SYNE1: variants seen among roughly 807,000 people sequenced by gnomAD.
SYNE1 encodes spectrin repeat containing nuclear envelope protein 1.
In SYNE1, 616 loss-of-function variants were observed where a neutral mutation model predicts 1,111.0. The ratio of observed to expected loss-of-function variants is 0.55; its 90% CI spans 0.52 to 0.59. SYNE1 has a LOEUF of 0.59. Ranked by LOEUF, SYNE1 falls within the 20% of genes least tolerant of loss-of-function variation. The pLI is 0.00. For missense variants in SYNE1, 10,006 were observed against 10,417.0 expected (o/e 0.96, Z 1.72); for synonymous variants, 3,855 against 3,825.8 (o/e 1.01, Z -0.28).
In SYNE1 at chr6:152,628,473, A is replaced by G; in HGVS notation, c.-142T>C. 1.2e-6 allele frequency: 1 copy of G among 803,758 alleles called. No homozygotes were observed. Among genetic ancestry groups the G allele is most frequent in the Non-Finnish European group, 2.1e-6 (1 of 469,650 alleles). The allele number at this position is 803,758 out of a possible 1,614,324, so 49.8% of individuals were successfully genotyped here. A position where few individuals can be genotyped will look rare whatever the true frequency, so the allele number is the denominator to read the frequency against. On this transcript the variant is annotated 5_prime_UTR_variant, in exon 3 of 146. Transcript: ENST00000367255. ...ATTCCAGGCCTTTGCAGCACTCAAC[A>G]AGGAGGCAGCTCTCCCAAAGACTGA...
At chr6:152,348,898 A>T (rs2096690117) in intron 72 of SYNE1, among the ~76,000 whole-genome samples, 1 of 152,108 alleles carries the variant, frequency 6.6e-6, no homozygotes, top group African/African-American at 2.4e-5. Flanking sequence ...CAGTTATCAT[A>T]TATGCTCAGT....
At chr6:152,329,538 A>AAAAAC (rs529023140) in intron 78 of SYNE1, among the ~76,000 whole-genome samples, 192 bp downstream of exon 78, 13 of 152,236 alleles carry the variant, frequency 8.5e-5, no homozygotes, top group Admixed American at 2.6e-4. Flanking sequence ...AAAAAACCCA[A>AAAAAC]AAAACAAAAC....
rs1022260894 is a variant in SYNE1 at position 152,409,418 on chromosome 6, T to A, written c.6381+141A>T. On this transcript the variant is annotated intron_variant, in intron 43 of 145. Transcript: ENST00000367255. ...TAGAATCCTAGAATGTCAGCATTCC[T>A]AGGGGAAAAAAAGTTGAGCTCATTA... 4.8e-5 allele frequency: 60 copies of A among 1,250,020 alleles called. No homozygotes were observed. In the African/African-American group the frequency reaches 8.6e-4, roughly 18 times the overall value. The allele number at this position is 1,250,020 out of a possible 1,614,324, so 77.4% of individuals were successfully genotyped here. A position where few individuals can be genotyped will look rare whatever the true frequency, so the allele number is the denominator to read the frequency against.
intron 121 of SYNE1, among the ~76,000 whole-genome samples, chr6:152,216,023 T>C (rs2078554300): frequency 6.6e-6 from 1 of 152,216 alleles, no homozygotes; most frequent in Non-Finnish European, 1.5e-5. Context: ...CAGGACAATG[T>C]TGTCGGTTCT....
chr6:152,171,952 T>C (rs566203379), intron 130 of SYNE1, among the ~76,000 whole-genome samples: 22 of 152,350 alleles, frequency 1.4e-4, no homozygotes, highest in Admixed American at 4.6e-4. Flanking sequence ...GCAAGAAGCA[T>C]AGTACTTCAT....
intron 50 of SYNE1, among the ~76,000 whole-genome samples, chr6:152,396,055 T>C (rs2097726407): frequency 6.6e-6 from 1 of 152,154 alleles, no homozygotes; most frequent in Non-Finnish European, 1.5e-5. Context: ...GCCAACAAGA[T>C]TACATTCTCA....
At chr6:152,536,030 C>T (rs1462820102) in intron 4 of SYNE1, among the ~76,000 whole-genome samples, 3 of 152,044 alleles carry the variant, frequency 2.0e-5, no homozygotes, top group East Asian at 1.9e-4. Flanking sequence ...CATCTCTCTG[C>T]TTATCCCAAA....
At chr6:152,241,867 AAC>A (rs1205248884) in intron 107 of SYNE1, among the ~76,000 whole-genome samples, 5 of 152,170 alleles carry the variant, frequency 3.3e-5, no homozygotes, top group African/African-American at 9.7e-5. Context: ...GCAAAAAGGA[AAC>A]ACAGGGAAAA....
At chr6:152,369,675 T>C (rs2097143959) in intron 59 of SYNE1, 61 bp from the exon 60 acceptor site, 1 of 1,591,004 alleles carries the variant, frequency 6.3e-7, no homozygotes, top group Non-Finnish European at 8.6e-7. Flanking sequence ...TCCAAGGTCC[T>C]TCACTTGGCA....
chr6:152,463,186 T>C (rs1241627875), intron 19 of SYNE1, among the ~76,000 whole-genome samples, 167 bp downstream of exon 19: 1 of 152,182 alleles, frequency 6.6e-6, no homozygotes, highest in Non-Finnish European at 1.5e-5. Flanking sequence ...TCCTCCATTA[T>C]ACATGGAAAA....
Position 152,607,746 on chromosome 6 carries a change from C to T in SYNE1, c.67+20519G>A, listed in dbSNP as rs532599703. On this transcript the variant is annotated intron_variant, in intron 3 of 145. Transcript: ENST00000367255. ...GATACATGCACACATATATTTATTG[C>T]AGCACTATTTACAATAGCAAAGACA... 2.6e-5 allele frequency among the ~76,000 whole-genome samples: 4 copies of T among 152,264 alleles called. 1 individual carries two copies. The highest frequency in any genetic ancestry group is 9.6e-5 in the African/African-American group (4 of 41,532).
rs1334166000 is a variant in SYNE1, at chr6:152,122,239, G to A, written c.*197C>T. The A allele has an allele frequency of 5.1e-6, 4 of 788,710 alleles. No homozygotes were observed. The highest frequency in any genetic ancestry group is 8.1e-6 in the Non-Finnish European group (4 of 493,092). The allele number at this position is 788,710 out of a possible 1,614,324, so 48.9% of individuals were successfully genotyped here. On this transcript the variant is annotated 3_prime_UTR_variant, in exon 146 of 146. Coordinates refer to ENST00000367255, the MANE Select transcript of SYNE1 (RefSeq NM_182961.4). ...CAGATTTCTTCCAAACCTTCTTGTTGTCTGTTTGTTCCCCCGTCACTGTTT... is the reference window on the plus strand; with the variant it reads ...CAGATTTCTTCCAAACCTTCTTGTTATCTGTTTGTTCCCCCGTCACTGTTT...
At chr6:152,180,568 G>A (rs868660814) in intron 128 of SYNE1, among the ~76,000 whole-genome samples, 1 of 150,860 alleles carries the variant, frequency 6.6e-6, no homozygotes, top group African/African-American at 2.4e-5. Flanking sequence ...TACATGACCA[G>A]TGAATGTAAA....
chr6:152,518,409 G>T (rs766639575), intron 6 of SYNE1, among the ~76,000 whole-genome samples: 1 of 151,826 alleles, frequency 6.6e-6, no homozygotes, highest in Non-Finnish European at 1.5e-5. Flanking sequence ...CTCGTAAGAC[G>T]TGGTTGTTTA....
rs1265158073 is a variant in SYNE1, at chr6:152,628,321, G to A, written c.11C>T (p.Ser4Phe). 5 of 1,614,130 alleles carry A rather than the reference G, an allele frequency of 3.1e-6. No individual in the cohort carries two copies. Among genetic ancestry groups the A allele is most frequent in the Middle Eastern group, 3.3e-4 (2 of 6,062 alleles). MAT[S>F]RGASRCPRDI... ...CCGAGGACACCGGGAGGCCCCTCTG[G>A]AGGTTGCCATGGTCCCTCCGGAAGC... is the stretch of plus-strand genomic sequence containing the variant. The change falls in exon 3 of 146, where the codon TCC (serine) becomes TTC (phenylalanine). Residue 4 changes from serine (S) to phenylalanine (F), a missense_variant. Ser to Phe is a radical substitution (Grantham distance 155, BLOSUM62 -2). Around this residue, in one of 7 missense-constraint regions of SYNE1, gnomAD observed 1,971 missense variants for 2,084.1 expected, o/e 0.95. Coordinates refer to ENST00000367255, the MANE Select transcript of SYNE1 (RefSeq NM_182961.4).
intron 87 of SYNE1, among the ~76,000 whole-genome samples, chr6:152,314,722 G>A (rs528174061): frequency 6.6e-6 from 1 of 151,908 alleles, no homozygotes. Flanking sequence ...ATGCCAAGGC[G>A]AGTAGATCGC....
chr6:152,515,816 C>G (rs1218686419), intron 6 of SYNE1, among the ~76,000 whole-genome samples: 1 of 152,186 alleles, frequency 6.6e-6, no homozygotes, highest in African/African-American at 2.4e-5. Flanking sequence ...TGAATCTGTT[C>G]ACCACAGTCA....
At chr6:152,295,592 T>C (rs920406951) in intron 93 of SYNE1, among the ~76,000 whole-genome samples, 14 of 151,922 alleles carry the variant, frequency 9.2e-5, no homozygotes, top group African/African-American at 2.9e-4. Context: ...TCCAGAGTCA[T>C]TTATGCATGT....
rs1008295525 is a variant in SYNE1, at chr6:152,451,122, T to A, written c.3111A>T (p.Glu1037Asp). Residue 1037 changes from glutamate (E) to aspartate (D), a missense_variant, in exon 26 of 146, where the codon GAA becomes GAT. Around this residue, in one of 7 missense-constraint regions of SYNE1, gnomAD observed 1,971 missense variants for 2,084.1 expected, o/e 0.95. Transcript: ENST00000367255. ...EKNRFLASVE[E>D]CRTELDRETK... Reference sequence around the variant, plus strand: ...TCTCTCGATCCAGCTCAGTTCTGCATTCTTCTACAGAGGCTAAGAACCTAT... The same window carrying A: ...TCTCTCGATCCAGCTCAGTTCTGCAATCTTCTACAGAGGCTAAGAACCTAT... 7 of 1,614,154 alleles carry A rather than the reference T, an allele frequency of 4.3e-6. No homozygotes were observed. Among genetic ancestry groups the A allele is most frequent in the Non-Finnish European group, 5.9e-6 (7 of 1,180,000 alleles).
Sources: gnomAD v4.1 joint callset for allele counts (sites outside exome capture counted in the v4.1 genomes callset) on GRCh38, gnomAD v4.1.1 for gene constraint, gnomAD v4.1.1 regional missense constraint, MANE v1.5 for transcripts, NCBI Gene and HGNC (gene_info 2026-07-23, HGNC 2026-07-21) for gene names.